The following LGR5 variants were observed in gnomAD, a reference collection of about 807,000 sequenced individuals.
LGR5 encodes the protein leucine rich repeat containing G protein-coupled receptor 5, also known as leucine-rich repeat-containing G protein-coupled receptor 5.
A neutral mutation model predicts 76.7 loss-of-function variants in LGR5; 54 were observed. The ratio of observed to expected loss-of-function variants is 0.70; its 90% CI spans 0.57 to 0.88. The LOEUF is 0.88. Among genes scored for constraint, LGR5 ranks in the 40% least tolerant of loss-of-function variants. LGR5 has a pLI of 0.00. For synonymous variants in LGR5, 406 were observed against 421.9 expected, an observed-to-expected ratio of 0.96 and a Z score of 0.46; for missense variants, 1,078 against 1,073.3, an observed-to-expected ratio of 1.00 and a Z score of -0.06.
chr12:71,564,874 C>A (rs1878260548), intron 8 of LGR5, among the ~76,000 whole-genome samples: 1 of 150,338 alleles, frequency 6.7e-6, no homozygotes, highest in Non-Finnish European at 1.5e-5. Flanking sequence ...TGTGCACACA[C>A]TGTATATATA....
chr12:71,578,759 A>G (rs775018357), intron 14 of LGR5, 45 bp from the exon 15 acceptor site: 10 of 1,549,340 alleles, frequency 6.5e-6, no homozygotes, highest in East Asian at 2.3e-5. Context: ...TAAACGTTTT[A>G]TGCTAACATA....
intron 1 of LGR5, among the ~76,000 whole-genome samples, chr12:71,504,315 C>T (rs905833431): frequency 3.9e-5 from 6 of 152,126 alleles, no homozygotes; most frequent in African/African-American, 1.4e-4. Context: ...GTTTCCTTTG[C>T]TGTCCTACTC....
At chr12:71,572,098 T>C (rs1394852058) in intron 12 of LGR5, among the ~76,000 whole-genome samples, 5 of 151,628 alleles carry the variant, frequency 3.3e-5, no homozygotes, top group Non-Finnish European at 7.4e-5. Flanking sequence ...TTTTTTTTTT[T>C]CTCAAGATGG....
chr12:71,463,846 TG>T (rs1314547656), intron 1 of LGR5, among the ~76,000 whole-genome samples: 1 of 151,966 alleles, frequency 6.6e-6, no homozygotes, highest in Non-Finnish European at 1.5e-5. Flanking sequence ...TACATATATA[TG>T]TGTGTGTATA....
rs1173849099 is a variant in LGR5, at chr12:71,584,500, T to C, written c.2490T>C (p.Asp830=). The change falls in exon 18 of 18, where the codon GAT becomes GAC. Residue 830 remains aspartate, a synonymous_variant. Transcript: ENST00000266674. ...YILFNPHFKE[D]LVSLRKQTYV... ...TGTTCAATCCTCACTTTAAGGAGGA[T>C]CTGGTGAGCCTGAGAAAGCAAACCT... 7 of 1,614,070 alleles carry C rather than the reference T, an allele frequency of 4.3e-6. No individual in the cohort carries two copies. The African/African-American group carries it at 9.3e-5, about 22-fold the overall frequency.
intron 4 of LGR5, among the ~76,000 whole-genome samples, chr12:71,551,693 T>A (rs768177208): frequency 2.6e-5 from 4 of 152,200 alleles, no homozygotes; most frequent in Non-Finnish European, 5.9e-5. Flanking sequence ...AGCCACTGTT[T>A]ATGTTGGACT....
At chr12:71,510,468 A>G (rs1003802600) in intron 2 of LGR5, among the ~76,000 whole-genome samples, 2 of 152,168 alleles carry the variant, frequency 1.3e-5, no homozygotes, top group Admixed American at 6.5e-5. Context: ...CACCACCTAT[A>G]AAATGTAGAC....
intron 4 of LGR5, 64 bp from the exon 5 acceptor site, chr12:71,553,009 T>G: frequency 6.6e-7 from 1 of 1,504,778 alleles, no homozygotes; most frequent in Non-Finnish European, 9.2e-7. Flanking sequence ...AGGGTTTTCC[T>G]GCAAAGTTGA....
intron 1 of LGR5, among the ~76,000 whole-genome samples, chr12:71,500,927 T>G (rs1002004452): frequency 9.2e-5 from 14 of 152,250 alleles, no homozygotes; most frequent in Non-Finnish European, 1.9e-4. Context: ...TTGACCATCT[T>G]GTCACAACGG....
At position 71,447,208 on chromosome 12, in the gene LGR5, C is replaced by T. The variant is rs1872039784; in HGVS notation, c.212+6916C>T. Among the ~76,000 whole-genome samples the T allele has an allele frequency of 2.0e-5, 3 of 152,136 alleles. No homozygotes were observed. In the South Asian group the frequency reaches 6.2e-4, roughly 31 times the overall value. On this transcript the variant is annotated intron_variant, in intron 1 of 17. Coordinates refer to ENST00000266674, the MANE Select transcript of LGR5 (RefSeq NM_003667.4). ...TGTTTCAAAGTTTTATCAAATCCCC[C>T]AACATATTTTTAAACTTTGCATGCT...
chr12:71,583,412 T>G, intron 17 of LGR5: 1 of 504,636 alleles, frequency 2.0e-6, no homozygotes, highest in Non-Finnish European at 3.5e-6. Flanking sequence ...CCATTCTCAT[T>G]TCTCCATCAA....
At chr12:71,559,235 C>A (rs1003012557) in intron 6 of LGR5, among the ~76,000 whole-genome samples, 19 of 152,094 alleles carry the variant, frequency 1.2e-4, no homozygotes, top group Admixed American at 6.5e-5. Context: ...ATTAGTGAGC[C>A]CGGTTCAGTT....
At chr12:71,571,681 A>AT in intron 12 of LGR5, 102 bp downstream of exon 12, 1 of 796,692 alleles carries the variant, frequency 1.3e-6, no homozygotes, top group Non-Finnish European at 2.1e-6. Context: ...CTGGGGAGAC[A>AT]TGTGATCCTT....
chr12:71,466,651 AT>A (rs141145282), intron 1 of LGR5, among the ~76,000 whole-genome samples: 10,261 of 151,844 alleles, frequency 0.068, 347 homozygotes, highest in Middle Eastern at 0.086. Flanking sequence ...ACATGTGATA[AT>A]AATTTCCTCT....
chr12:71,449,414 T>C (rs1469696954), intron 1 of LGR5, among the ~76,000 whole-genome samples: 5 of 152,134 alleles, frequency 3.3e-5, no homozygotes, highest in Non-Finnish European at 7.4e-5. Flanking sequence ...TTCAAGATCT[T>C]TTTTTATTGA....
At chr12:71,537,295 C>A (rs1876645051) in intron 4 of LGR5, among the ~76,000 whole-genome samples, 1 of 151,830 alleles carries the variant, frequency 6.6e-6, no homozygotes, top group Admixed American at 6.6e-5. Context: ...CCACTGCCAT[C>A]TCTACAAAAT....
At chr12:71,514,512 G>T (rs1457648625) in intron 2 of LGR5, among the ~76,000 whole-genome samples, 1 of 148,758 alleles carries the variant, frequency 6.7e-6, no homozygotes, top group African/African-American at 2.5e-5. Context: ...AGCTTGCAGT[G>T]AGCCCAGATC....
rs568893038 is a variant in LGR5 at position 71,444,388 on chromosome 12, A to C, written c.212+4096A>C. 2.3e-3 allele frequency among the ~76,000 whole-genome samples: 345 copies of C among 152,154 alleles called. 4 individuals are homozygous for C. Among genetic ancestry groups the C allele is most frequent in the Non-Finnish European group, 3.8e-3 (256 of 67,926 alleles). On this transcript the variant is annotated intron_variant, in intron 1 of 17. Coordinates refer to ENST00000266674, the MANE Select transcript of LGR5 (RefSeq NM_003667.4). ...CCATAGTGTTTTTGTTATAGGGTGA[A>C]TTATTAAAACTAACTGATAATTAGT... is the stretch of plus-strand genomic sequence containing the variant.
At chr12:71,461,573 T>C (rs1435416542) in intron 1 of LGR5, among the ~76,000 whole-genome samples, 1 of 152,146 alleles carries the variant, frequency 6.6e-6, no homozygotes, top group Non-Finnish European at 1.5e-5. Flanking sequence ...GAATGATAGA[T>C]TCCTCACTTC....
Sources: gnomAD v4.1 joint callset for allele counts (sites outside exome capture counted in the v4.1 genomes callset) on GRCh38, gnomAD v4.1.1 for gene constraint, MANE v1.5 for transcripts, NCBI Gene and HGNC (gene_info 2026-07-23, HGNC 2026-07-21) for gene names.